Variants in SPATA20 observed in about 807,000 individuals in gnomAD.
The protein encoded by SPATA20 is spermatogenesis associated 20.
A neutral mutation model predicts 98.9 loss-of-function variants in SPATA20; 74 were observed. That is an observed-to-expected ratio of 0.75 (90% confidence interval 0.62 to 0.91). The LOEUF is 0.91. Ranked by LOEUF, SPATA20 falls within the 40% of genes least tolerant of loss-of-function variation. SPATA20 has a pLI of 0.00. For missense variants in SPATA20, 1,016 were observed against 1,069.8 expected, an observed-to-expected ratio of 0.95 and a Z score of 0.70; for synonymous variants, 430 against 440.5, an observed-to-expected ratio of 0.98 and a Z score of 0.30.
rs756754458 is a variant in SPATA20, at chr17:50,555,505, C to T, written c.2252C>T (p.Ala751Val). 4 of 1,613,984 alleles carry T rather than the reference C, an allele frequency of 2.5e-6. No homozygotes were observed. The highest frequency in any genetic ancestry group is 3.4e-6 in the Non-Finnish European group (4 of 1,179,968). The change falls in exon 17 of 17, where the codon GCT (alanine) becomes GTT (valine). Residue 751 changes from alanine to valine, a missense_variant. Coordinates refer to ENST00000006658, the MANE Select transcript of SPATA20 (RefSeq NM_022827.4). ...CTGCTGCCCTAGGTGCTGATTCTGG[C>T]TGATGGGGACCCCTCGAGCTTCCTG... Reference protein sequence around the residue: ...VYIPNKVLILADGDPSSFLSR... With the variant: ...VYIPNKVLILVDGDPSSFLSR...
chr17:50,552,465 G>T (rs922956033), intron 14 of SPATA20, among the ~76,000 whole-genome samples: 1 of 136,782 alleles, frequency 7.3e-6, no homozygotes, highest in South Asian at 2.2e-4. Context: ...TACACTCAGC[G>T]TGTTTTGTTT....
intron 15 of SPATA20, 59 bp from the exon 16 acceptor site, chr17:50,555,173 G>C: frequency 7.1e-7 from 1 of 1,403,904 alleles, no homozygotes; most frequent in Non-Finnish European, 1.0e-6. Flanking sequence ...AGCCCTGGTG[G>C]TCTAGGGCTC....
At position 50,551,650 on chromosome 17, in the gene SPATA20, C is replaced by T. The variant is rs2035018030; in HGVS notation, c.1716C>T (p.Tyr572=). 1.3e-6 allele frequency: 2 copies of T among 1,596,360 alleles called. No homozygotes were observed. The highest frequency in any genetic ancestry group is 1.7e-6 in the Non-Finnish European group (2 of 1,165,764). ...GTGGCCGCCTGATGCGGACCTGCTA[C>T]ACCGGCCCTGGGGGGACTGTGGAGC... The part of the protein sequence containing the change: ...VASGRLMRTC[Y]TGPGGTVEHS... Residue 572 remains tyrosine, a synonymous_variant, in exon 13 of 17, where the codon TAC becomes TAT. Coordinates refer to ENST00000006658, the MANE Select transcript of SPATA20 (RefSeq NM_022827.4).
intron 12 of SPATA20, 40 bp downstream of exon 12, chr17:50,551,230 C>A (rs772653165): frequency 3.2e-5 from 49 of 1,541,280 alleles, no homozygotes; most frequent in Non-Finnish European, 1.9e-5. Flanking sequence ...TCTGTAGGAT[C>A]CCCCTTCACA....
intron 9 of SPATA20, 47 bp downstream of exon 9, chr17:50,550,359 C>T (rs767333045): frequency 1.2e-5 from 18 of 1,483,056 alleles, no homozygotes; most frequent in Middle Eastern, 1.8e-4. Context: ...ACTCTGGCTG[C>T]CCCTCCCAAG....
chr17:50,553,204 T>C (rs541737349), intron 14 of SPATA20, among the ~76,000 whole-genome samples: 61 of 152,356 alleles, frequency 4.0e-4, no homozygotes, highest in South Asian at 1.0e-3. Flanking sequence ...TCCTCAAAGA[T>C]CAGGACTTTC....
At position 50,551,041 on chromosome 17, in the gene SPATA20, G is replaced by A. The variant is rs374575992; in HGVS notation, c.1427G>A (p.Arg476Gln). Reference protein sequence around the residue: ...ELQGQNVLTVRYSLELTAARF... With the variant: ...ELQGQNVLTVQYSLELTAARF... ...CAGGGCCAGAATGTGCTGACCGTCC[G>A]GTACTCGCTGGAGCTGACTGCTGCC... is the stretch of plus-strand genomic sequence containing the variant. The change falls in exon 12 of 17, where the codon CGG (arginine) becomes CAG (glutamine). Residue 476 changes from arginine to glutamine, a missense_variant. By Grantham distance (43) the Arg-to-Gln change is conservative. Coordinates refer to ENST00000006658, the MANE Select transcript of SPATA20 (RefSeq NM_022827.4). 16 of 1,613,296 alleles carry A rather than the reference G, an allele frequency of 9.9e-6. No individual in the cohort carries two copies. In the African/African-American group the frequency reaches 1.2e-4, roughly 12 times the overall value.
chr17:50,547,462 T>C, intron 1 of SPATA20, 177 bp downstream of exon 1: 1 of 623,494 alleles, frequency 1.6e-6, no homozygotes, highest in Non-Finnish European at 2.8e-6. Flanking sequence ...AAGGCCCTCC[T>C]CCCCTCCTCT....
Position 50,551,569 on chromosome 17 carries a change from C to A in SPATA20, c.1635C>A (p.Ile545=). The A allele has an allele frequency of 1.2e-6, 2 of 1,606,434 alleles. No individual in the cohort carries two copies. The highest frequency in any genetic ancestry group is 8.5e-7 in the Non-Finnish European group (1 of 1,173,800). Residue 545 remains isoleucine, a synonymous_variant, in exon 13 of 17, where the codon ATC becomes ATA. Transcript: ENST00000006658. ...TGAVLGQDRL[I]NYATNGAKFL... is the part of the protein sequence containing the mutation. ...CTGTCCTGGGCCAAGACAGGCTGATCAACTATGCCACCAATGGTGCCAAGT... is the reference window on the plus strand; with the variant it reads ...CTGTCCTGGGCCAAGACAGGCTGATAAACTATGCCACCAATGGTGCCAAGT...
In SPATA20 at chr17:50,548,376, A is replaced by G. The variant is rs764801358; in HGVS notation, c.219A>G (p.Thr73=). The G allele has an allele frequency of 4.3e-6, 7 of 1,613,796 alleles. No individual in the cohort carries two copies. The highest frequency in any genetic ancestry group is 5.9e-6 in the Non-Finnish European group (7 of 1,179,936). Residue 73 remains threonine (T), a synonymous_variant, in exon 3 of 17, where the codon ACA becomes ACG. Transcript: ENST00000006658. ...GGAAAGGAAGCCATCCTTCATCTACACCCCAGAGGGTCCCCAACCGCCTGA... is the reference window on the plus strand; with the variant it reads ...GGAAAGGAAGCCATCCTTCATCTACGCCCCAGAGGGTCCCCAACCGCCTGA... ...AGGKGSHPSS[T]PQRVPNRLIH...
At chr17:50,554,885 C>CTGTGTGTGTGTG (rs3062812) in intron 15 of SPATA20, among the ~76,000 whole-genome samples, 124 of 141,530 alleles carry the variant, frequency 8.8e-4, no homozygotes, top group Non-Finnish European at 3.4e-4. Context: ...TGGGCATCTA[C>CTGTGTGTGTGTG]TGTGTGTGTG....
chr17:50,551,698 C>G lies in SPATA20; in HGVS notation c.1745+19C>G, dbSNP rs375707140. The G allele has an allele frequency of 8.9e-6, 14 of 1,578,966 alleles. No homozygotes were observed. In the African/African-American group the frequency reaches 1.7e-4, roughly 20 times the overall value. ...AGCACAGGTTGGGGGCTGGGTAGACCGGGAGGGCCCGTCTCCCCAACGCGT... is the reference window on the plus strand; with the variant it reads ...AGCACAGGTTGGGGGCTGGGTAGACGGGGAGGGCCCGTCTCCCCAACGCGT... On this transcript the variant is annotated intron_variant, in intron 13 of 16. Coordinates refer to ENST00000006658, the MANE Select transcript of SPATA20 (RefSeq NM_022827.4).
intron 2 of SPATA20, chr17:50,548,060 A>G (rs1256365395): frequency 2.7e-6 from 4 of 1,493,504 alleles, no homozygotes; most frequent in South Asian, 1.3e-5. Flanking sequence ...AGGTTGGGGG[A>G]GACTAACCTG....
intron 2 of SPATA20, 81 bp from the exon 3 acceptor site, chr17:50,548,202 G>A (rs752099267): frequency 2.6e-5 from 41 of 1,547,566 alleles, no homozygotes; most frequent in Non-Finnish European, 3.5e-5. Flanking sequence ...GGGGTGCTGA[G>A]TGAAATGGAG....
intron 14 of SPATA20, among the ~76,000 whole-genome samples, chr17:50,553,731 T>C (rs2035051456): frequency 1.3e-5 from 2 of 151,714 alleles, no homozygotes; most frequent in African/African-American, 4.8e-5. Flanking sequence ...TTTAAGGAGG[T>C]CACTCTGACC....
In SPATA20 at chr17:50,550,286, G is replaced by A. The variant is rs150117341; in HGVS notation, c.1072G>A (p.Ala358Thr). 1.1e-5 allele frequency: 17 copies of A among 1,598,150 alleles called. No homozygotes were observed. In the African/African-American group the frequency reaches 1.6e-4, roughly 15 times the overall value. ...GATGCTCTATGACCAGGCACAGCTCGCTGTGGCCTATTCGCAGGCCTTCCA... is the reference window on the plus strand; with the variant it reads ...GATGCTCTATGACCAGGCACAGCTCACTGTGGCCTATTCGCAGGCCTTCCA... ...EKMLYDQAQLAVAYSQAFQLS... is the reference protein window; with the variant it reads ...EKMLYDQAQLTVAYSQAFQLS... Residue 358 changes from alanine to threonine, a missense_variant, in exon 9 of 17, where the codon GCT becomes ACT. Ala to Thr is a moderately conservative substitution (Grantham distance 58, BLOSUM62 0). Coordinates refer to ENST00000006658, the MANE Select transcript of SPATA20 (RefSeq NM_022827.4).
intron 14 of SPATA20, among the ~76,000 whole-genome samples, chr17:50,553,129 G>C (rs1318284781): frequency 6.6e-6 from 1 of 152,228 alleles, no homozygotes; most frequent in African/African-American, 2.4e-5. Context: ...ATGTGTGCCT[G>C]CTCCCTATCA....
In SPATA20 at chr17:50,554,418, G is replaced by A. The variant is rs769529617; in HGVS notation, c.2125G>A (p.Ala709Thr). Residue 709 changes from alanine (A) to threonine (T), a missense_variant, in exon 15 of 17, where the codon GCC becomes ACC. Transcript: ENST00000006658. ...GGTGGCGTTGCCCGAGATGGTCCGC[G>A]CCCTCTCAGCCCAGCAGCAGACCCT... ...VPVALPEMVR[A>T]LSAQQQTLKQ... The A allele has an allele frequency of 2.2e-5, 36 of 1,612,900 alleles. No individual in the cohort carries two copies. The highest frequency in any genetic ancestry group is 4.5e-5 in the East Asian group (2 of 44,876).
In SPATA20 at chr17:50,555,332, C is replaced by T. The variant is rs1330013449; in HGVS notation, c.2238+20C>T. The T allele has an allele frequency of 1.9e-6, 3 of 1,609,424 alleles. No individual in the cohort carries two copies. The highest frequency in any genetic ancestry group is 2.7e-5 in the African/African-American group (2 of 74,784). On this transcript the variant is annotated intron_variant, in intron 16 of 16. Coordinates refer to ENST00000006658, the MANE Select transcript of SPATA20 (RefSeq NM_022827.4). Reference sequence around the variant, plus strand: ...AACAAGGTACCCATCCCTGTGAGCCCAATCTGCCACCTCCCCAGAGCTGCC... The same window carrying T: ...AACAAGGTACCCATCCCTGTGAGCCTAATCTGCCACCTCCCCAGAGCTGCC...
Sources: allele counts gnomAD v4.1 joint callset (sites outside exome capture counted in the v4.1 genomes callset), GRCh38; gene constraint gnomAD v4.1.1; transcripts MANE v1.5; gene names NCBI Gene and HGNC (gene_info 2026-07-23, HGNC 2026-07-21).